The following EYA2 variants were observed in gnomAD, a reference collection of about 807,000 sequenced individuals.
EYA2 encodes EYA transcriptional coactivator and phosphatase 2.
EYA2 carries 31 observed loss-of-function variants against 69.2 expected under a neutral mutation model. The ratio of observed to expected loss-of-function variants is 0.45; its 90% CI spans 0.34 to 0.60. The LOEUF (loss-of-function observed/expected upper bound fraction) is 0.60, where lower values mean the gene tolerates loss of function less well. EYA2 is among the 20% of genes least tolerant of loss of function. The pLI is 0.02. For synonymous variants in EYA2, 257 were observed against 279.4 expected (o/e 0.92, Z 0.80); for missense variants, 622 against 701.2 (o/e 0.89, Z 1.28).
intron 9 of EYA2, among the ~76,000 whole-genome samples, chr20:47,115,838 G>A (rs141380778): frequency 0.013 from 1,989 of 152,230 alleles, 52 homozygotes; most frequent in African/African-American, 0.044. Flanking sequence ...TCCAGGCCCC[G>A]GGCGGTCCAG....
chr20:47,007,942 C>T (rs1354330683), intron 4 of EYA2, among the ~76,000 whole-genome samples: 2 of 152,110 alleles, frequency 1.3e-5, no homozygotes, highest in Non-Finnish European at 2.9e-5. Flanking sequence ...TTTTAAAGAT[C>T]ACACTGGCTG....
At position 47,183,364 on chromosome 20, in the gene EYA2, T is replaced by A; in HGVS notation, c.1509T>A (p.Gly503=). ...CTGTCTACGTGGTGATCGGTGATGG[T>A]GTGGAAGAGGAGCAAGGAGCGAAAA... ...RKAVYVVIGD[G]VEEEQGAKKH... The change falls in exon 15 of 16, where the codon GGT becomes GGA. Residue 503 remains glycine, a synonymous_variant. Coordinates refer to ENST00000327619, the MANE Select transcript of EYA2 (RefSeq NM_005244.5). 6.2e-7 allele frequency: 1 copy of A among 1,614,118 alleles called. No individual in the cohort carries two copies. Among genetic ancestry groups the A allele is most frequent in the Non-Finnish European group, 8.5e-7 (1 of 1,180,004 alleles).
intron 13 of EYA2, 54 bp from the exon 14 acceptor site, chr20:47,180,761 G>A (rs2034522436): frequency 6.3e-7 from 1 of 1,596,578 alleles, no homozygotes; most frequent in Non-Finnish European, 8.5e-7. Context: ...AGCAAGAGGA[G>A]GCCTGGCCTT....
intron 2 of EYA2, among the ~76,000 whole-genome samples, chr20:46,994,146 C>T (rs548003470): frequency 3.3e-5 from 5 of 152,240 alleles, no homozygotes; most frequent in Middle Eastern, 3.4e-3. Flanking sequence ...AGTAAAGTTT[C>T]CTTCACTTCC....
chr20:47,142,513 G>A (rs549482875), intron 9 of EYA2, among the ~76,000 whole-genome samples: 28 of 152,318 alleles, frequency 1.8e-4, no homozygotes, highest in African/African-American at 6.5e-4. Context: ...GTACCATAGT[G>A]CCTTTGTGTT....
chr20:46,979,818 T>C (rs2146311117), intron 1 of EYA2: 1 of 152,336 alleles, frequency 6.6e-6, no homozygotes, highest in Admixed American at 6.5e-5. Flanking sequence ...TCTGTGTGCA[T>C]GCAAATAATC....
At chr20:47,029,333 A>G (rs1435026618) in intron 5 of EYA2, among the ~76,000 whole-genome samples, 1 of 152,252 alleles carries the variant, frequency 6.6e-6, no homozygotes, top group Non-Finnish European at 1.5e-5. Context: ...TATCGAAGAC[A>G]TGCTGTGGCA....
intron 9 of EYA2, among the ~76,000 whole-genome samples, chr20:47,097,527 TC>T (rs1238005485): frequency 6.6e-6 from 1 of 152,224 alleles, no homozygotes; most frequent in Non-Finnish European, 1.5e-5. Context: ...CTTTTCTTCT[TC>T]CCTGTTGTTT....
At chr20:46,948,786 A>T (rs1978626597) in intron 1 of EYA2, among the ~76,000 whole-genome samples, 1 of 152,212 alleles carries the variant, frequency 6.6e-6, no homozygotes, top group African/African-American at 2.4e-5. Flanking sequence ...AAACTTAGAG[A>T]CACAAGTATT....
At chr20:47,092,140 T>TAGC (rs2032105120) in intron 8 of EYA2, among the ~76,000 whole-genome samples, 1 of 152,196 alleles carries the variant, frequency 6.6e-6, no homozygotes, top group Admixed American at 6.5e-5. Flanking sequence ...AGTTCACCTG[T>TAGC]AGCAGTTGTT....
At chr20:47,082,777 G>A (rs577916323) in intron 7 of EYA2, among the ~76,000 whole-genome samples, 94 of 152,312 alleles carry the variant, frequency 6.2e-4, no homozygotes, top group Non-Finnish European at 1.1e-3. Context: ...GACTTTTGTA[G>A]AGAAGAACAA....
chr20:46,958,436 T>G (rs1450425114), intron 1 of EYA2, among the ~76,000 whole-genome samples: 2 of 148,690 alleles, frequency 1.3e-5, no homozygotes, highest in African/African-American at 4.8e-5. Context: ...GAATCTGAGC[T>G]CACGTGTAAT....
intron 1 of EYA2, among the ~76,000 whole-genome samples, chr20:46,940,406 T>G (rs556541482): frequency 6.6e-6 from 1 of 152,248 alleles, no homozygotes; most frequent in South Asian, 2.1e-4. Flanking sequence ...GTAACTCTGG[T>G]CCTGTGTGGA....
intron 5 of EYA2, among the ~76,000 whole-genome samples, chr20:47,038,193 C>T (rs977904968): frequency 1.3e-5 from 2 of 152,080 alleles, no homozygotes; most frequent in East Asian, 1.9e-4. Flanking sequence ...AGGGGTGGGG[C>T]GGTCAGGGAA....
intron 6 of EYA2, among the ~76,000 whole-genome samples, chr20:47,073,191 G>A (rs551157695): frequency 1.9e-4 from 29 of 152,300 alleles, no homozygotes; most frequent in Non-Finnish European, 3.8e-4. Flanking sequence ...GAAGCAGAAC[G>A]TTCCATGAGT....
chr20:47,169,268 A>G, intron 11 of EYA2, 71 bp downstream of exon 11: 1 of 1,483,264 alleles, frequency 6.7e-7, no homozygotes, highest in Non-Finnish European at 9.4e-7. Flanking sequence ...TCTACTAGGA[A>G]GTGGGGTGGG....
At chr20:47,113,490 A>G (rs1410512329) in intron 9 of EYA2, among the ~76,000 whole-genome samples, 1 of 152,186 alleles carries the variant, frequency 6.6e-6, no homozygotes, top group Admixed American at 6.5e-5. Context: ...GTTCCCCATG[A>G]GGAACCTAAG....
At chr20:47,144,394 T>C (rs1184119547) in intron 10 of EYA2, among the ~76,000 whole-genome samples, 1 of 150,552 alleles carries the variant, frequency 6.6e-6, no homozygotes, top group African/African-American at 2.4e-5. Context: ...CAATCTAAAA[T>C]AAAACTGTAT....
At chr20:47,070,934 A>G (rs1248225866) in intron 5 of EYA2, among the ~76,000 whole-genome samples, 1 of 152,024 alleles carries the variant, frequency 6.6e-6, no homozygotes. Flanking sequence ...CTGCAGCCTC[A>G]AACTCCTAGG....
Sources: allele counts gnomAD v4.1 joint callset (sites outside exome capture counted in the v4.1 genomes callset), GRCh38; gene constraint gnomAD v4.1.1; transcripts MANE v1.5; gene names NCBI Gene and HGNC (gene_info 2026-07-23, HGNC 2026-07-21).